Variants in CSMD1 observed in about 807,000 individuals in gnomAD.
CSMD1 encodes the protein CUB and Sushi multiple domains 1, also known as CUB and sushi domain-containing protein 1.
CSMD1 carries 213 observed loss-of-function variants against 417.5 expected under a neutral mutation model. The ratio of observed to expected loss-of-function variants is 0.51; its 90% CI spans 0.46 to 0.57. The LOEUF (loss-of-function observed/expected upper bound fraction) is 0.57. Ranked by LOEUF, CSMD1 falls within the 20% of genes least tolerant of loss-of-function variation. The pLI is 0.00. For synonymous variants in CSMD1, 2,862 were observed against 1,736.8 expected (o/e 1.65, Z -16.11); for missense variants, 6,923 against 4,529.7 (o/e 1.53, Z -15.17).
chr8:3,057,238 ACAT>A (rs1205364473), intron 49 of CSMD1, among the ~76,000 whole-genome samples: 1 of 152,210 alleles, frequency 6.6e-6, no homozygotes, highest in Non-Finnish European at 1.5e-5. Context: ...TTTCATAAAA[ACAT>A]CATCATCTTA....
chr8:3,531,557 C>A (rs575176809), intron 10 of CSMD1, among the ~76,000 whole-genome samples: 1 of 152,280 alleles, frequency 6.6e-6, no homozygotes, highest in East Asian at 1.9e-4. Flanking sequence ...GTTCTGGGAG[C>A]CCTGCCATGC....
intron 24 of CSMD1, 122 bp downstream of exon 24, chr8:3,308,190 A>AAGTC (rs1805036535): frequency 4.0e-6 from 3 of 749,764 alleles, no homozygotes; most frequent in Admixed American, 5.7e-5. Context: ...GAATACATAA[A>AAGTC]ACTCACACTG....
At chr8:3,318,894 G>T (rs1805962372) in intron 23 of CSMD1, among the ~76,000 whole-genome samples, 1 of 152,066 alleles carries the variant, frequency 6.6e-6, no homozygotes, top group Admixed American at 6.6e-5. Context: ...AACTAACACA[G>T]GTCATGCTTG....
chr8:4,478,905 T>C (rs1202332296), intron 2 of CSMD1, among the ~76,000 whole-genome samples: 2 of 152,338 alleles, frequency 1.3e-5, no homozygotes, highest in Admixed American at 6.5e-5. Flanking sequence ...AAATTTAATT[T>C]AGTTTCTGGC....
At chr8:3,120,705 G>GC (rs113124839) in intron 41 of CSMD1, among the ~76,000 whole-genome samples, 2,233 of 114,386 alleles carry the variant, frequency 0.02, 37 homozygotes, top group African/African-American at 0.069. Context: ...AAATTAGCCA[G>GC]GGGGGGTGAC....
chr8:4,425,201 CA>C (rs1404325808), intron 2 of CSMD1, among the ~76,000 whole-genome samples: 2 of 151,730 alleles, frequency 1.3e-5, no homozygotes, highest in Admixed American at 6.6e-5. Context: ...GGGGTGTGGT[CA>C]AATGATATTA....
At chr8:4,622,846 T>C (rs183876217) in intron 2 of CSMD1, among the ~76,000 whole-genome samples, 4 of 152,270 alleles carry the variant, frequency 2.6e-5, no homozygotes, top group African/African-American at 9.6e-5. Context: ...GATGACATGG[T>C]TGCCTCCATA....
intron 3 of CSMD1, among the ~76,000 whole-genome samples, chr8:4,128,936 C>T (rs985746999): frequency 6.6e-6 from 1 of 151,982 alleles, no homozygotes; most frequent in Non-Finnish European, 1.5e-5. Context: ...TTTAGCCGGG[C>T]ATGGTGGCAT....
intron 1 of CSMD1, among the ~76,000 whole-genome samples, chr8:4,712,615 G>C (rs964061498): frequency 1.3e-5 from 2 of 152,176 alleles, no homozygotes; most frequent in African/African-American, 2.4e-5. Context: ...TCTAGGATTT[G>C]TTTATTTTTG....
chr8:3,523,026 C>CACACAA (rs1797574925), intron 10 of CSMD1, among the ~76,000 whole-genome samples: 1 of 151,172 alleles, frequency 6.6e-6, no homozygotes, highest in Non-Finnish European at 1.5e-5. Context: ...CACACACACA[C>CACACAA]ACACACACAC....
chr8:3,272,746 G>T (rs200310868), intron 26 of CSMD1, among the ~76,000 whole-genome samples: 1 of 142,246 alleles, frequency 7.0e-6, no homozygotes, highest in Non-Finnish European at 1.5e-5. Flanking sequence ...TGTTGTTGGT[G>T]TATAAGAATG....
intron 1 of CSMD1, among the ~76,000 whole-genome samples, chr8:4,899,369 T>A (rs760090129): frequency 1.4e-4 from 21 of 152,154 alleles, no homozygotes; most frequent in Admixed American, 2.6e-4. Flanking sequence ...AAAATAAAGA[T>A]GAAATATACT....
intron 15 of CSMD1, among the ~76,000 whole-genome samples, chr8:3,402,783 AT>A (rs1281982148): frequency 6.6e-6 from 1 of 152,118 alleles, no homozygotes; most frequent in Non-Finnish European, 1.5e-5. Flanking sequence ...CTTGCTTTAA[AT>A]TGTTTATAAC....
At chr8:3,488,146 A>T (rs1818165995) in intron 11 of CSMD1, among the ~76,000 whole-genome samples, 1 of 151,108 alleles carries the variant, frequency 6.6e-6, no homozygotes, top group African/African-American at 2.4e-5. Flanking sequence ...TCTGTTGCTC[A>T]GGCTGGAGTG....
chr8:4,618,219 C>T (rs1040271755), intron 2 of CSMD1, among the ~76,000 whole-genome samples: 4 of 152,174 alleles, frequency 2.6e-5, no homozygotes, highest in Non-Finnish European at 5.9e-5. Flanking sequence ...TGGAAAGACT[C>T]ATCCTACCCA....
chr8:3,548,752 A>T (rs1798785193), intron 10 of CSMD1, among the ~76,000 whole-genome samples: 1 of 149,516 alleles, frequency 6.7e-6, no homozygotes, highest in African/African-American at 2.5e-5. Context: ...GTTGTTTCTA[A>T]AGAGTAAGCC....
intron 10 of CSMD1, among the ~76,000 whole-genome samples, chr8:3,565,635 TA>T (rs1452642791): frequency 6.6e-6 from 1 of 152,212 alleles, no homozygotes; most frequent in Non-Finnish European, 1.5e-5. Flanking sequence ...CATTGAATCA[TA>T]AAAGAAGTTA....
rs531964282 is a variant in CSMD1 at position 3,358,308 on chromosome 8, G to C, written c.3304+844C>G. On this transcript the variant is annotated intron_variant, in intron 21 of 69. Transcript: ENST00000635120. ...TTTTTCTTCACAATGACATTAGTCA[G>C]TTTTCTGTAACTTTAAAGAACAATT... Among the ~76,000 whole-genome samples the C allele has an allele frequency of 3.3e-5, 5 of 152,266 alleles. No homozygotes were observed. In the South Asian group the frequency reaches 1.0e-3, roughly 32 times the overall value.
chr8:4,203,768 A>G (rs1018062917), intron 3 of CSMD1, among the ~76,000 whole-genome samples: 8 of 152,130 alleles, frequency 5.3e-5, no homozygotes, highest in East Asian at 1.9e-4. Context: ...ATTTGCATAT[A>G]TATGTACATA....
Sources: gnomAD v4.1 joint callset for allele counts (sites outside exome capture counted in the v4.1 genomes callset) on GRCh38, gnomAD v4.1.1 for gene constraint, MANE v1.5 for transcripts, NCBI Gene and HGNC (gene_info 2026-07-23, HGNC 2026-07-21) for gene names.